The following PTPRO variants were observed in gnomAD, a reference collection of about 807,000 sequenced individuals.
The protein encoded by PTPRO is receptor-type tyrosine-protein phosphatase O.
PTPRO carries 62 observed loss-of-function variants against 145.2 expected under a neutral mutation model. The ratio of observed to expected loss-of-function variants is 0.43; its 90% CI spans 0.35 to 0.53. PTPRO has a LOEUF of 0.53. Among genes scored for constraint, PTPRO ranks in the 20% least tolerant of loss-of-function variants. PTPRO has a pLI of 0.01. For missense variants in PTPRO, 1,345 were observed against 1,482.7 expected (o/e 0.91, Z 1.53); for synonymous variants, 565 against 514.7 (o/e 1.10, Z -1.32).
intron 2 of PTPRO, among the ~76,000 whole-genome samples, 159 bp downstream of exon 2, chr12:15,484,406 T>C (rs1030749522): frequency 6.6e-6 from 1 of 152,098 alleles, no homozygotes; most frequent in African/African-American, 2.4e-5. Flanking sequence ...AGAATACAGC[T>C]GAAGTTTGAT....
At chr12:15,586,632 A>T (rs1944435515) in intron 23 of PTPRO, among the ~76,000 whole-genome samples, 1 of 152,226 alleles carries the variant, frequency 6.6e-6, no homozygotes, top group Non-Finnish European at 1.5e-5. Flanking sequence ...CAGAGCCAGG[A>T]TGCAAACCCT....
At chr12:15,352,430 C>A (rs1937834951) in intron 1 of PTPRO, among the ~76,000 whole-genome samples, 1 of 152,056 alleles carries the variant, frequency 6.6e-6, no homozygotes, top group African/African-American at 2.4e-5. Context: ...GTGGGCGGAT[C>A]ACGAGGTCAG....
intron 2 of PTPRO, among the ~76,000 whole-genome samples, chr12:15,495,120 T>C (rs1480981437): frequency 6.6e-6 from 1 of 152,028 alleles, no homozygotes; most frequent in Non-Finnish European, 1.5e-5. Context: ...TACCTTCATG[T>C]AGGAAGACTA....
intron 1 of PTPRO, among the ~76,000 whole-genome samples, chr12:15,429,988 T>C (rs1334907532): frequency 6.6e-6 from 1 of 151,916 alleles, no homozygotes; most frequent in Non-Finnish European, 1.5e-5. Context: ...AACAGAGAAA[T>C]ATCAACTACC....
chr12:15,335,290 A>G (rs2136206215), intron 1 of PTPRO, among the ~76,000 whole-genome samples: 1 of 152,240 alleles, frequency 6.6e-6, no homozygotes, highest in East Asian at 1.9e-4. Context: ...AAGTTGATTA[A>G]TAAGATAAAT....
At chr12:15,384,991 C>T (rs986396759) in intron 1 of PTPRO, among the ~76,000 whole-genome samples, 3 of 152,066 alleles carry the variant, frequency 2.0e-5, no homozygotes, top group Admixed American at 1.3e-4. Context: ...ATTTGTGAAC[C>T]AGCAAATGTA....
intron 2 of PTPRO, among the ~76,000 whole-genome samples, chr12:15,496,142 G>GTTTTTTTTTTTTTTTTTTTTTTTTTT: frequency 1.3e-5 from 1 of 75,360 alleles, no homozygotes; most frequent in South Asian, 5.5e-4. Context: ...TTCTTTTTTT[G>GTTTTTTTTTTTTTTTTTTTTTTTTTT]TTTTTTTTTT....
intron 2 of PTPRO, among the ~76,000 whole-genome samples, chr12:15,491,542 C>A (rs1399448513): frequency 6.6e-6 from 1 of 152,082 alleles, no homozygotes; most frequent in African/African-American, 2.4e-5. Flanking sequence ...TCAATTTGAA[C>A]ATGAGTTTTC....
At chr12:15,424,412 T>A (rs911593035) in intron 1 of PTPRO, among the ~76,000 whole-genome samples, 1 of 152,164 alleles carries the variant, frequency 6.6e-6, no homozygotes, top group Non-Finnish European at 1.5e-5. Context: ...TAGTTATCCA[T>A]GAAAATAAAA....
At chr12:15,439,987 C>A (rs1050361073) in intron 1 of PTPRO, 32 of 683,972 alleles carry the variant, frequency 4.7e-5, no homozygotes, top group Admixed American at 8.1e-5. Flanking sequence ...GCGGGGCCAT[C>A]ATCCTGGCCA....
rs77404794 is a variant in PTPRO at position 15,488,658 on chromosome 12, G to A, written c.349+4411G>A. Reference sequence around the variant, plus strand: ...TCTTGATGAAATAAGCAATGACAAAGCAATTGGCCCCAGGGCAGTCCTTTG... The same window carrying A: ...TCTTGATGAAATAAGCAATGACAAAACAATTGGCCCCAGGGCAGTCCTTTG... On this transcript the variant is annotated intron_variant, in intron 2 of 26. Transcript: ENST00000281171. Among the ~76,000 whole-genome samples the A allele has an allele frequency of 2.6e-5, 4 of 152,296 alleles. No homozygotes were observed. In the East Asian group the frequency reaches 7.7e-4, roughly 29 times the overall value.
chr12:15,457,670 T>C (rs1404662942), intron 1 of PTPRO, among the ~76,000 whole-genome samples: 1 of 152,176 alleles, frequency 6.6e-6, no homozygotes, highest in Admixed American at 6.5e-5. Context: ...TACCAAAGGT[T>C]TACATAACAC....
chr12:15,580,268 A>G lies in PTPRO; in HGVS notation c.2997+153A>G, dbSNP rs1312888177. ...TTTGCATTACTCCGTTTCATAATAAAGAATAGAAAGAAAAAGTCCATAGAT... is the reference window on the plus strand; with the variant it reads ...TTTGCATTACTCCGTTTCATAATAAGGAATAGAAAGAAAAAGTCCATAGAT... On this transcript the variant is annotated intron_variant, in intron 21 of 26. Transcript: ENST00000281171. Among the ~76,000 whole-genome samples the G allele has an allele frequency of 3.3e-5, 5 of 152,262 alleles. No homozygotes were observed. The East Asian group carries it at 9.6e-4, about 29-fold the overall frequency.
intron 1 of PTPRO, among the ~76,000 whole-genome samples, chr12:15,338,448 A>G (rs1352179166): frequency 6.6e-6 from 1 of 152,196 alleles, no homozygotes; most frequent in Admixed American, 6.5e-5. Context: ...ATACACAAAG[A>G]CCTCAATAAA....
chr12:15,449,951 T>A (rs1941002891), intron 1 of PTPRO, among the ~76,000 whole-genome samples: 1 of 152,214 alleles, frequency 6.6e-6, no homozygotes, highest in Non-Finnish European at 1.5e-5. Context: ...TCCTTTTAAT[T>A]TTAAATTGAC....
chr12:15,421,518 A>T lies in PTPRO; in HGVS notation c.76-62456A>T, dbSNP rs944713948. 2.6e-5 allele frequency among the ~76,000 whole-genome samples: 4 copies of T among 152,328 alleles called. No homozygotes were observed. In the East Asian group the frequency reaches 5.8e-4, roughly 22 times the overall value. ...GTGCCTGAATAAGCAGTAAGTACCAAATGCTGTGATCCTAGAGAGGTGTCT... is the reference window on the plus strand; with the variant it reads ...GTGCCTGAATAAGCAGTAAGTACCATATGCTGTGATCCTAGAGAGGTGTCT... On this transcript the variant is annotated intron_variant, in intron 1 of 26. Coordinates refer to ENST00000281171, the MANE Select transcript of PTPRO (RefSeq NM_030667.3).
chr12:15,404,153 C>T (rs1277473748), intron 1 of PTPRO, among the ~76,000 whole-genome samples: 2 of 133,744 alleles, frequency 1.5e-5, no homozygotes, highest in Non-Finnish European at 3.1e-5. Flanking sequence ...CTCGCCACTG[C>T]ACTCTAGCCT....
intron 1 of PTPRO, among the ~76,000 whole-genome samples, chr12:15,353,396 T>C (rs1937875977): frequency 6.6e-6 from 1 of 151,142 alleles, no homozygotes; most frequent in South Asian, 2.1e-4. Context: ...CTCCTAAGAA[T>C]TTAACCATGT....
intron 9 of PTPRO, among the ~76,000 whole-genome samples, 191 bp from the exon 10 acceptor site, chr12:15,520,010 T>A (rs992624123): frequency 6.6e-6 from 1 of 152,232 alleles, no homozygotes; most frequent in Admixed American, 6.5e-5. Flanking sequence ...AAAATTTATA[T>A]TTTTGTATTT....
Sources: gnomAD v4.1 joint callset for allele counts (sites outside exome capture counted in the v4.1 genomes callset) on GRCh38, gnomAD v4.1.1 for gene constraint, MANE v1.5 for transcripts, NCBI Gene and HGNC (gene_info 2026-07-23, HGNC 2026-07-21) for gene names.